The following KIAA0825 variants were observed in gnomAD, a reference collection of about 807,000 sequenced individuals.
KIAA0825 encodes the protein uncharacterized protein KIAA0825.
A neutral mutation model predicts 147.6 loss-of-function variants in KIAA0825; 119 were observed. The ratio of observed to expected loss-of-function variants is 0.81; its 90% CI spans 0.69 to 0.94. KIAA0825 has a LOEUF of 0.94. Among genes scored for constraint, KIAA0825 ranks in the 40% least tolerant of loss-of-function variants. The probability of loss-of-function intolerance (pLI) is 0.00; values close to 1 mark genes in which losing one functional copy is unlikely to be tolerated. For missense variants in KIAA0825, 1,381 were observed against 1,472.7 expected (o/e 0.94, Z 1.02); for synonymous variants, 470 against 518.1 (o/e 0.91, Z 1.26).
intron 20 of KIAA0825, among the ~76,000 whole-genome samples, chr5:94,313,304 T>G (rs1779342551): frequency 6.6e-6 from 1 of 151,644 alleles, no homozygotes; most frequent in Non-Finnish European, 1.5e-5. Context: ...ATCTTAAGAC[T>G]AGGGAGAAGA....
At chr5:94,530,223 A>T (rs1770496809) in intron 3 of KIAA0825, among the ~76,000 whole-genome samples, 1 of 129,768 alleles carries the variant, frequency 7.7e-6, no homozygotes, top group African/African-American at 3.0e-5. Flanking sequence ...GTGAGCTGAG[A>T]TTGCACCATT....
intron 1 of KIAA0825, among the ~76,000 whole-genome samples, chr5:94,605,309 G>T (rs1305986129): frequency 6.6e-6 from 1 of 152,074 alleles, no homozygotes; most frequent in Non-Finnish European, 1.5e-5. Flanking sequence ...GAACCAGATG[G>T]ATTCACAGGT....
At position 94,331,709 on chromosome 5, in the gene KIAA0825, G is replaced by C. The variant is rs10214365; in HGVS notation, c.3710+52659C>G. ...AGCTTATCCCAGGAATACAAGTATA[G>C]TTCAACTTTGAAAATCAATTAATAT... On this transcript the variant is annotated intron_variant, in intron 20 of 20. Transcript: ENST00000682413. Among the ~76,000 whole-genome samples the C allele has an allele frequency of 9.0e-3, 1,372 of 152,148 alleles. 27 individuals carry two copies. The highest frequency in any genetic ancestry group is 0.032 in the African/African-American group (1,311 of 41,496).
At chr5:94,595,471 G>A (rs1785122237) in intron 1 of KIAA0825, among the ~76,000 whole-genome samples, 1 of 152,174 alleles carries the variant, frequency 6.6e-6, no homozygotes, top group East Asian at 1.9e-4. Flanking sequence ...CAGCAGCAAA[G>A]CCATGGGCCA....
chr5:94,542,309 T>G (rs1773489344), intron 2 of KIAA0825, among the ~76,000 whole-genome samples: 1 of 152,230 alleles, frequency 6.6e-6, no homozygotes, highest in African/African-American at 2.4e-5. Context: ...CTTAAAATGT[T>G]GCTGATCTTT....
intron 1 of KIAA0825, among the ~76,000 whole-genome samples, chr5:94,608,403 A>G (rs1714268955): frequency 9.2e-6 from 1 of 108,782 alleles, no homozygotes; most frequent in South Asian, 2.9e-4. Flanking sequence ...CTGGGACTAC[A>G]GGTGTGTGCC....
chr5:94,187,491 ATCTCGGTTTACTGCAAGC>A (rs1158797293), intron 20 of KIAA0825, among the ~76,000 whole-genome samples: 5 of 143,096 alleles, frequency 3.5e-5, no homozygotes, highest in Non-Finnish European at 6.0e-5. Context: ...CAGTAGCGAG[ATCTCGGTTTACTGCAAGC>A]TCCGCCTCCC....
chr5:94,605,454 C>CA (rs1787324433), intron 1 of KIAA0825, among the ~76,000 whole-genome samples: 1 of 152,058 alleles, frequency 6.6e-6, no homozygotes. Context: ...CTGACAGAGA[C>CA]ACAGCAAAAA....
intron 20 of KIAA0825, among the ~76,000 whole-genome samples, chr5:94,291,491 T>C (rs989901077): frequency 6.6e-6 from 1 of 152,208 alleles, no homozygotes; most frequent in African/African-American, 2.4e-5. Flanking sequence ...TTGGAACCAG[T>C]AGCATGGTGG....
intron 2 of KIAA0825, among the ~76,000 whole-genome samples, chr5:94,546,978 G>A (rs1774536767): frequency 6.6e-6 from 1 of 151,676 alleles, no homozygotes; most frequent in Non-Finnish European, 1.5e-5. Context: ...CGCAGAGAAG[G>A]AATTCAGAAT....
chr5:94,250,874 T>C (rs1775921623), intron 20 of KIAA0825, among the ~76,000 whole-genome samples: 1 of 152,154 alleles, frequency 6.6e-6, no homozygotes, highest in Non-Finnish European at 1.5e-5. Flanking sequence ...CAATTTAAAA[T>C]ATAATTCTCC....
chr5:94,524,046 C>A lies in KIAA0825; in HGVS notation c.184G>T (p.Gly62Cys). 6.2e-7 allele frequency: 1 copy of A among 1,609,488 alleles called. No individual in the cohort carries two copies. Among genetic ancestry groups the A allele is most frequent in the Non-Finnish European group, 8.5e-7 (1 of 1,177,092 alleles). ...TCAGTTGTTGTTTGCAGCTGCACAC[C>A]TGGACATTGTTTGTTAATTTCGGAC... ...IQSEINKQCPGVQLQTTTDCF... is the reference protein window; with the variant it reads ...IQSEINKQCPCVQLQTTTDCF... The change falls in exon 4 of 21, where the codon GGT becomes TGT. Residue 62 changes from glycine to cysteine, a missense_variant. Gly to Cys is a radical substitution (Grantham distance 159). Transcript: ENST00000682413.
chr5:94,311,503 C>A (rs1483985663), intron 20 of KIAA0825, among the ~76,000 whole-genome samples: 1 of 151,620 alleles, frequency 6.6e-6, no homozygotes, highest in Non-Finnish European at 1.5e-5. Flanking sequence ...GACATAATTT[C>A]TTTACAAAAA....
chr5:94,340,120 G>T (rs1451719594), intron 20 of KIAA0825, among the ~76,000 whole-genome samples: 1 of 151,764 alleles, frequency 6.6e-6, no homozygotes, highest in African/African-American at 2.4e-5. Flanking sequence ...GTTGTTTTTT[G>T]ATATCCATGG....
intron 20 of KIAA0825, among the ~76,000 whole-genome samples, chr5:94,248,439 C>T (rs575345602): frequency 2.0e-5 from 3 of 152,240 alleles, no homozygotes; most frequent in African/African-American, 7.2e-5. Flanking sequence ...TGGTCATCAA[C>T]ACAAATGGAA....
intron 3 of KIAA0825, among the ~76,000 whole-genome samples, chr5:94,529,680 C>G (rs1205792746): frequency 1.3e-5 from 2 of 152,064 alleles, no homozygotes; most frequent in African/African-American, 2.4e-5. Flanking sequence ...CTTCACTGCT[C>G]TCTCTACTAT....
At chr5:94,199,265 G>A (rs930229665) in intron 20 of KIAA0825, among the ~76,000 whole-genome samples, 2 of 152,272 alleles carry the variant, frequency 1.3e-5, no homozygotes, top group African/African-American at 4.8e-5. Flanking sequence ...TATAAGTTGG[G>A]TTTATTCAAC....
At chr5:94,360,243 G>A (rs1367724552) in intron 20 of KIAA0825, among the ~76,000 whole-genome samples, 6 of 151,954 alleles carry the variant, frequency 3.9e-5, no homozygotes, top group Non-Finnish European at 7.4e-5. Flanking sequence ...GCAATTCACC[G>A]AGAGGGAAAG....
intron 20 of KIAA0825, among the ~76,000 whole-genome samples, chr5:94,187,682 C>G (rs1583790473): frequency 6.6e-6 from 1 of 152,028 alleles, no homozygotes; most frequent in Non-Finnish European, 1.5e-5. Context: ...ACCTCGGCCT[C>G]CCAAAGTGCT....
Sources: allele counts gnomAD v4.1 joint callset (sites outside exome capture counted in the v4.1 genomes callset), GRCh38; gene constraint gnomAD v4.1.1; transcripts MANE v1.5; gene names NCBI Gene and HGNC (gene_info 2026-07-23, HGNC 2026-07-21).